PKD1L1: variants seen among roughly 807,000 people sequenced by gnomAD.
PKD1L1 encodes the protein polycystin 1 like 1, transient receptor potential channel interacting, also known as polycystin-1-like protein 1.
A neutral mutation model predicts 323.4 loss-of-function variants in PKD1L1; 236 were observed. That is an observed-to-expected ratio of 0.73 (90% confidence interval 0.66 to 0.81). PKD1L1 has a LOEUF of 0.81. Ranked by LOEUF, PKD1L1 falls within the 40% of genes least tolerant of loss-of-function variation. PKD1L1 has a pLI of 0.00. For synonymous variants in PKD1L1, 1,344 were observed against 1,335.0 expected (o/e 1.01, Z -0.15); for missense variants, 3,320 against 3,508.0 (o/e 0.95, Z 1.35).
chr7:47,910,826 T>TTGTGTGTGTGTG (rs60550498), intron 8 of PKD1L1, among the ~76,000 whole-genome samples: 13,370 of 125,968 alleles, frequency 0.11, 1,029 homozygotes, highest in African/African-American at 0.17. Context: ...CCAGCTGATT[T>TTGTGTGTGTGTG]TGTGTGTGTG....
At chr7:47,906,108 T>A in intron 9 of PKD1L1, 146 bp from the exon 10 acceptor site, 1 of 736,586 alleles carries the variant, frequency 1.4e-6, no homozygotes, top group African/African-American at 1.8e-5. Flanking sequence ...TGCTCTGAAA[T>A]CAGACATACC....
intron 16 of PKD1L1, among the ~76,000 whole-genome samples, chr7:47,889,460 C>T (rs1786759688): frequency 6.6e-6 from 1 of 152,156 alleles, no homozygotes; most frequent in Admixed American, 6.5e-5. Flanking sequence ...CCTCAAATAA[C>T]AGTCAGTAGT....
At chr7:47,917,344 C>T (rs1361239552) in intron 7 of PKD1L1, among the ~76,000 whole-genome samples, 1 of 151,928 alleles carries the variant, frequency 6.6e-6, no homozygotes, top group African/African-American at 2.4e-5. Flanking sequence ...AATGACCAAA[C>T]CTAAGAATAA....
intron 46 of PKD1L1, among the ~76,000 whole-genome samples, 190 bp downstream of exon 46, chr7:47,820,886 A>AT (rs1785125685): frequency 6.6e-6 from 1 of 152,150 alleles, no homozygotes; most frequent in African/African-American, 2.4e-5. Context: ...TTGTTTTGCT[A>AT]TTTACCCCAA....
At chr7:47,938,685 C>A (rs145351671) in intron 3 of PKD1L1, among the ~76,000 whole-genome samples, 129 of 152,250 alleles carry the variant, frequency 8.5e-4, no homozygotes, top group African/African-American at 3.1e-3. Context: ...ACCAGAGAGC[C>A]CCCTGATTGC....
At chr7:47,874,072 C>CA in intron 23 of PKD1L1, 62 bp from the exon 24 acceptor site, 1 of 999,418 alleles carries the variant, frequency 1.0e-6, no homozygotes. Flanking sequence ...GATGCTTCTT[C>CA]ACACACAGAC....
At chr7:47,959,556 G>A in the PKD1L1 span, among the ~76,000 whole-genome samples, 12 of 140,740 alleles carry the variant, frequency 8.5e-5, no homozygotes, top group Non-Finnish European at 1.4e-4. Flanking sequence ...CAGCCGCCCC[G>A]TCTGAGAAGT....
chr7:47,856,163 G>A (rs568678025), intron 28 of PKD1L1, among the ~76,000 whole-genome samples: 17 of 151,776 alleles, frequency 1.1e-4, no homozygotes, highest in African/African-American at 2.9e-4. Context: ...TCAGCCTCCC[G>A]AGTAGCTGGG....
chr7:47,865,060 A>T (rs1274008276), intron 26 of PKD1L1, among the ~76,000 whole-genome samples, 156 bp downstream of exon 26: 1 of 152,072 alleles, frequency 6.6e-6, no homozygotes, highest in East Asian at 1.9e-4. Context: ...AATTTCTGAG[A>T]TGGGCTTTGC....
At position 47,800,710 on chromosome 7, in the gene PKD1L1, C is replaced by G; in HGVS notation, c.8132G>C (p.Arg2711Pro). The change falls in exon 54 of 57, where the codon CGG becomes CCG. Residue 2711 changes from arginine (R) to proline (P), a missense_variant. Arg to Pro is a moderately radical substitution (Grantham distance 103, BLOSUM62 -2). Transcript: ENST00000289672. ...CLLGLSKSDQ[R>P]AMACYFGILL... ...GATCCCAAAGTAACAAGCCATGGCC[C>G]GCTGGTCAGACTTGGAAAGGCCAAG... 2 of 1,614,174 alleles carry G rather than the reference C, an allele frequency of 1.2e-6. No individual in the cohort carries two copies. Among genetic ancestry groups the G allele is most frequent in the Non-Finnish European group, 1.7e-6 (2 of 1,180,046 alleles).
In PKD1L1 at chr7:47,839,584, G is replaced by A. The variant is rs201652599; in HGVS notation, c.5631C>T (p.Ile1877=). 526 of 1,601,556 alleles carry A rather than the reference G, an allele frequency of 3.3e-4. 2 individuals carry two copies. Among genetic ancestry groups the A allele is most frequent in the Middle Eastern group, 2.0e-3 (12 of 6,054 alleles). ...GCAGCTCCTTCACCATCACGTGGCT[G>A]ATGAACCAGCCTGGGGAAGGCCCAC... ...DSRGPSPGWF[I]SHVMVKELHT... Residue 1877 remains isoleucine (I), a synonymous_variant, in exon 36 of 57, where the codon ATC becomes ATT. Coordinates refer to ENST00000289672, the MANE Select transcript of PKD1L1 (RefSeq NM_138295.5). This position sits in a 1 kb window ranked among gnomAD's most constrained non-coding sequence, Gnocchi z 4.3.
At chr7:47,831,881 T>A (rs1785355422) in intron 41 of PKD1L1, among the ~76,000 whole-genome samples, 1 of 152,186 alleles carries the variant, frequency 6.6e-6, no homozygotes, top group African/African-American at 2.4e-5. Flanking sequence ...TTGGATCAAG[T>A]CCCACACACC....
intron 28 of PKD1L1, among the ~76,000 whole-genome samples, chr7:47,855,654 A>C (rs1015957815): frequency 2.0e-5 from 2 of 97,796 alleles, no homozygotes; most frequent in Non-Finnish European, 4.2e-5. Context: ...AGGCGGGCGG[A>C]TCACGAGGTC....
intron 48 of PKD1L1, 139 bp from the exon 49 acceptor site, chr7:47,813,432 T>A: frequency 1.1e-6 from 1 of 935,422 alleles, no homozygotes; most frequent in Admixed American, 2.0e-5. Context: ...ATAGGATCGT[T>A]CTGCAGCCTG....
At chr7:47,803,580 C>A (rs1360115746) in intron 52 of PKD1L1, among the ~76,000 whole-genome samples, 2 of 152,122 alleles carry the variant, frequency 1.3e-5, no homozygotes, top group African/African-American at 4.8e-5. Context: ...CTGGCCTGGC[C>A]ATTTCTTTGA....
intron 7 of PKD1L1, among the ~76,000 whole-genome samples, chr7:47,918,963 G>C (rs1787484184): frequency 6.6e-6 from 1 of 152,136 alleles, no homozygotes; most frequent in South Asian, 2.1e-4. Context: ...CAAGGAACTA[G>C]AGAAACAAGA....
At chr7:47,877,794 G>A (rs902087326) in intron 21 of PKD1L1, among the ~76,000 whole-genome samples, 163 bp from the exon 22 acceptor site, 3 of 152,000 alleles carry the variant, frequency 2.0e-5, no homozygotes, top group South Asian at 2.1e-4. Flanking sequence ...GAAGATTCTG[G>A]AGCCCCACCC....
At chr7:47,788,056 G>C (rs961451635) in intron 56 of PKD1L1, among the ~76,000 whole-genome samples, 2 of 152,054 alleles carry the variant, frequency 1.3e-5, no homozygotes, top group African/African-American at 4.8e-5. Flanking sequence ...CTTAACCTTA[G>C]TAGTAAAGGC....
intron 16 of PKD1L1, among the ~76,000 whole-genome samples, chr7:47,888,393 A>G (rs1786730691): frequency 6.6e-6 from 1 of 152,228 alleles, no homozygotes; most frequent in African/African-American, 2.4e-5. Flanking sequence ...GCCACCCTAC[A>G]GAGTTCAGAG....
Sources: gnomAD v4.1 joint callset for allele counts (sites outside exome capture counted in the v4.1 genomes callset) on GRCh38, gnomAD v4.1.1 for gene constraint, Gnocchi (gnomAD v3.1) non-coding constraint, MANE v1.5 for transcripts, NCBI Gene and HGNC (gene_info 2026-07-23, HGNC 2026-07-21) for gene names.